The following LAMA2 variants were observed in gnomAD, a reference collection of about 807,000 sequenced individuals.
LAMA2 encodes laminin subunit alpha-2.
Under a neutral mutation model 364.8 loss-of-function variants are expected in LAMA2, and 269 were observed. The ratio of observed to expected loss-of-function variants is 0.74; its 90% CI spans 0.67 to 0.82. The LOEUF is 0.82. LAMA2 is among the 40% of genes least tolerant of loss of function. LAMA2 has a pLI of 0.00. For synonymous variants in LAMA2, 1,379 were observed against 1,370.6 expected (o/e 1.01, Z -0.14); for missense variants, 3,807 against 3,873.2 (o/e 0.98, Z 0.45).
intron 41 of LAMA2, among the ~76,000 whole-genome samples, chr6:129,430,343 ACAG>A: frequency 6.6e-6 from 1 of 152,338 alleles, no homozygotes; most frequent in South Asian, 2.1e-4. Context: ...TCAATTCAGT[ACAG>A]TTCAGTTAGT....
chr6:129,380,029 T>C (rs1208415158), intron 34 of LAMA2, among the ~76,000 whole-genome samples: 2 of 152,318 alleles, frequency 1.3e-5, no homozygotes, highest in East Asian at 3.9e-4. Flanking sequence ...TCCCTAGCCT[T>C]TTCTAATCTA....
At chr6:129,430,991 A>G (rs1169479676) in intron 41 of LAMA2, among the ~76,000 whole-genome samples, 3 of 152,210 alleles carry the variant, frequency 2.0e-5, no homozygotes, top group Non-Finnish European at 4.4e-5. Flanking sequence ...TTTTAAAATT[A>G]TACATCTTAC....
At chr6:129,047,691 T>G (rs545914513) in intron 1 of LAMA2, among the ~76,000 whole-genome samples, 370 of 152,328 alleles carry the variant, frequency 2.4e-3, no homozygotes, top group Non-Finnish European at 3.7e-3. Context: ...TGGAATTTTT[T>G]GGAGTGATTA....
chr6:129,462,766 AT>A (rs1783323997), intron 49 of LAMA2, among the ~76,000 whole-genome samples: 1 of 151,690 alleles, frequency 6.6e-6, no homozygotes, highest in Non-Finnish European at 1.5e-5. Context: ...TTGTTTGTTT[AT>A]TTGTTGCTTT....
chr6:129,381,331 C>CT (rs71028155), intron 34 of LAMA2, among the ~76,000 whole-genome samples: 55,632 of 151,150 alleles, frequency 0.37, 11,707 homozygotes, highest in Non-Finnish European at 0.47. Context: ...CTACGAACAT[C>CT]TTTTTTTTTC....
chr6:129,505,026 A>G (rs1056305593), intron 60 of LAMA2, among the ~76,000 whole-genome samples, 174 bp from the exon 61 acceptor site: 3 of 152,212 alleles, frequency 2.0e-5, no homozygotes, highest in African/African-American at 4.8e-5. Flanking sequence ...AGAATTTGAG[A>G]TATTCTGTAA....
intron 8 of LAMA2, among the ~76,000 whole-genome samples, chr6:129,164,299 A>C (rs188022653): frequency 6.6e-6 from 1 of 152,322 alleles, no homozygotes; most frequent in East Asian, 1.9e-4. Flanking sequence ...CCGAGATTTC[A>C]CCACACTATT....
intron 4 of LAMA2, among the ~76,000 whole-genome samples, chr6:129,122,558 A>G (rs1018641763): frequency 2.0e-5 from 3 of 152,212 alleles, no homozygotes; most frequent in Admixed American, 6.5e-5. Flanking sequence ...TATGAAGTTT[A>G]CCATCTGATT....
intron 62 of LAMA2, among the ~76,000 whole-genome samples, chr6:129,511,757 A>G (rs924702610): frequency 1.0e-5 from 1 of 99,526 alleles, no homozygotes; most frequent in Middle Eastern, 4.9e-3. Flanking sequence ...AATATGGAAA[A>G]TCATAGAGGA....
intron 12 of LAMA2, among the ~76,000 whole-genome samples, chr6:129,207,727 T>C (rs1782773370): frequency 6.6e-6 from 1 of 152,180 alleles, no homozygotes; most frequent in Non-Finnish European, 1.5e-5. Flanking sequence ...AAATACAATC[T>C]TCCAGTTCCT....
chr6:128,960,372 C>T (rs1169680967), intron 1 of LAMA2, among the ~76,000 whole-genome samples: 5 of 125,892 alleles, frequency 4.0e-5, no homozygotes, highest in Admixed American at 2.0e-4. Context: ...AAGTCTCGCT[C>T]TTGTCCCCCA....
intron 1 of LAMA2, among the ~76,000 whole-genome samples, chr6:128,907,461 T>C (rs1777565994): frequency 6.6e-6 from 1 of 152,188 alleles, no homozygotes; most frequent in South Asian, 2.1e-4. Context: ...ATAAGAATGC[T>C]TGTGATTTTT....
chr6:128,976,701 A>G (rs190024841), intron 1 of LAMA2, among the ~76,000 whole-genome samples: 45 of 152,322 alleles, frequency 3.0e-4, no homozygotes, highest in Non-Finnish European at 5.9e-4. Flanking sequence ...TGAGAAATGT[A>G]TCTGGGGGGC....
chr6:129,216,959 G>A (rs941433247), intron 12 of LAMA2, among the ~76,000 whole-genome samples: 7 of 152,160 alleles, frequency 4.6e-5, no homozygotes, highest in Non-Finnish European at 1.0e-4. Flanking sequence ...GGGAGGCTGA[G>A]GCGGGTGGAT....
intron 1 of LAMA2, among the ~76,000 whole-genome samples, chr6:128,988,017 A>C (rs1783374771): frequency 6.6e-6 from 1 of 152,132 alleles, no homozygotes; most frequent in Admixed American, 6.5e-5. Context: ...GGCATCCGGC[A>C]CCAGGCCCAG....
In LAMA2 at chr6:129,239,132, C is replaced by T. The variant is rs534898384; in HGVS notation, c.1783-10980C>T. Among the ~76,000 whole-genome samples the T allele has an allele frequency of 3.9e-5, 6 of 152,244 alleles. No individual in the cohort carries two copies. The South Asian group carries it at 8.3e-4, about 21-fold the overall frequency. On this transcript the variant is annotated intron_variant, in intron 12 of 64. Transcript: ENST00000421865. ...ATGTCAAATACTATTCTAGATTATT[C>T]AATTGAATCATCACAACAACGCTAT...
At chr6:129,220,304 C>CA (rs550277514) in intron 12 of LAMA2, among the ~76,000 whole-genome samples, 81 of 151,880 alleles carry the variant, frequency 5.3e-4, no homozygotes, top group African/African-American at 1.9e-3. Flanking sequence ...AAGCAATGAG[C>CA]AAAAAAACAC....
intron 22 of LAMA2, among the ~76,000 whole-genome samples, chr6:129,306,059 T>C (rs892881340): frequency 2.0e-5 from 3 of 152,026 alleles, no homozygotes; most frequent in African/African-American, 7.2e-5. Context: ...TATATTGTCA[T>C]ATATTTTTAC....
chr6:129,232,155 T>C (rs1784705612), intron 12 of LAMA2, among the ~76,000 whole-genome samples: 1 of 152,162 alleles, frequency 6.6e-6, no homozygotes, highest in Non-Finnish European at 1.5e-5. Flanking sequence ...ACAGCATATG[T>C]ACAATATGGT....
Sources: gnomAD v4.1 joint callset for allele counts (sites outside exome capture counted in the v4.1 genomes callset) on GRCh38, gnomAD v4.1.1 for gene constraint, MANE v1.5 for transcripts, NCBI Gene and HGNC (gene_info 2026-07-23, HGNC 2026-07-21) for gene names.